Variants in GK5 observed in about 807,000 individuals in gnomAD.
GK5 encodes the protein ATP:glycerol 3-phosphotransferase 5.
Under a neutral mutation model 77.3 loss-of-function variants are expected in GK5, and 39 were observed. The observed-to-expected ratio is 0.50, with a 90% CI of 0.39 to 0.66. The LOEUF is 0.66. Ranked by LOEUF, GK5 falls within the 30% of genes least tolerant of loss-of-function variation. The pLI, the probability that GK5 is intolerant of heterozygous loss-of-function variation, is 0.00. For missense variants in GK5, 487 were observed against 633.8 expected (o/e 0.77, Z 2.49); for synonymous variants, 211 against 208.0 (o/e 1.01, Z -0.13).
At chr3:142,186,027 T>C (rs2063765142) in intron 8 of GK5, 38 bp from the exon 9 acceptor site, 4 of 1,480,656 alleles carry the variant, frequency 2.7e-6, no homozygotes, top group Non-Finnish European at 3.7e-6. Context: ...GTTACAGCTC[T>C]AGAAATATTA....
At chr3:142,195,118 C>A (rs969749170) in intron 5 of GK5, among the ~76,000 whole-genome samples, 2 of 151,898 alleles carry the variant, frequency 1.3e-5, no homozygotes, top group Admixed American at 6.6e-5. Flanking sequence ...TATCTACTGA[C>A]ATGATCATGT....
intron 6 of GK5, among the ~76,000 whole-genome samples, chr3:142,186,955 G>T (rs1165200723): frequency 6.6e-6 from 1 of 152,012 alleles, no homozygotes; most frequent in Non-Finnish European, 1.5e-5. Flanking sequence ...TCAATGTGAA[G>T]TCTCCAAAAG....
rs1212287003 is a variant in GK5, at chr3:142,162,772, T to G, written c.*2850A>C. On this transcript the variant is annotated 3_prime_UTR_variant, in exon 16 of 16. Coordinates refer to ENST00000392993, the MANE Select transcript of GK5 (RefSeq NM_001039547.3). Reference sequence around the variant, plus strand: ...TAGCACTTTGGGAGGCCGAGGTGGGTGGGTCACAAGGTCAGGAGTTTGAGA... The same window carrying G: ...TAGCACTTTGGGAGGCCGAGGTGGGGGGGTCACAAGGTCAGGAGTTTGAGA... 1 of 151,864 alleles carries G rather than the reference T, an allele frequency of 6.6e-6. No individual in the cohort carries two copies. 9.4% of individuals were successfully genotyped at this position (151,864 alleles called of 1,614,324 possible).
At chr3:142,203,417 C>T (rs1214298094) in intron 4 of GK5, among the ~76,000 whole-genome samples, 3 of 152,232 alleles carry the variant, frequency 2.0e-5, no homozygotes, top group African/African-American at 4.8e-5. Context: ...GTCCCCTGGG[C>T]GCCATCTGAT....
Position 142,198,919 on chromosome 3 carries a change from A to G in GK5, c.426T>C (p.Ser142=). 6.2e-7 allele frequency: 1 copy of G among 1,609,638 alleles called. No homozygotes were observed. Among genetic ancestry groups the G allele is most frequent in the Non-Finnish European group, 8.5e-7 (1 of 1,177,988 alleles). The stretch of plus-strand genomic sequence containing the variant: ...TAGTGAAAAAGTGAAGCACTCGGCA[A>G]GAACTGTGAAATATCTATATTTTAA... The part of the protein sequence containing the change: ...NSLLMKIFHS[S]CRVLHFFTRS... The change falls in exon 5 of 16, where the codon TCT becomes TCC. Residue 142 remains serine (S), a synonymous_variant. Coordinates refer to ENST00000392993, the MANE Select transcript of GK5 (RefSeq NM_001039547.3).
At chr3:142,186,593 T>G in intron 6 of GK5, 80 bp from the exon 7 acceptor site, 1 of 564,834 alleles carries the variant, frequency 1.8e-6, no homozygotes, top group Non-Finnish European at 3.0e-6. Context: ...ATATAGACCT[T>G]TGTCTACCCT....
intron 1 of GK5, among the ~76,000 whole-genome samples, chr3:142,221,440 T>C (rs2064345860): frequency 6.6e-6 from 1 of 152,160 alleles, no homozygotes. Context: ...TCACATACCA[T>C]CCCCAAACAA....
At position 142,165,723 on chromosome 3, in the gene GK5, CTTCACTTTGTCTCAGT is replaced by C. The variant is rs2063467001; in HGVS notation, c.1473_1488del (p.Leu492TrpfsTer14). 1 of 1,612,790 alleles carries C rather than the reference CTTCACTTTGTCTCAGT, an allele frequency of 6.2e-7. No homozygotes were observed. The highest frequency in any genetic ancestry group is 1.3e-5 in the African/African-American group (1 of 74,884). Reference sequence around the variant, plus strand: ...CATTTCTTCTGTGGCTTGAAAACCACTTCACTTTGTCTCAGTTTCTTTAGTTCCTCCTTGTCAGTCC... The same window carrying C: ...CATTTCTTCTGTGGCTTGAAAACCACTTCTTTAGTTCCTCCTTGTCAGTCC... On this transcript the variant is annotated frameshift_variant, in exon 16 of 16. Coordinates refer to ENST00000392993, the MANE Select transcript of GK5 (RefSeq NM_001039547.3). LOFTEE classifies it high-confidence loss of function.
At chr3:142,166,449 T>C (rs1308951705) in intron 15 of GK5, among the ~76,000 whole-genome samples, 1 of 152,250 alleles carries the variant, frequency 6.6e-6, no homozygotes, top group Non-Finnish European at 1.5e-5. Flanking sequence ...ATATAATTTA[T>C]TTAAATTCCA....
chr3:142,217,167 T>C (rs1560238786), intron 1 of GK5, among the ~76,000 whole-genome samples: 1 of 152,200 alleles, frequency 6.6e-6, no homozygotes, highest in African/African-American at 2.4e-5. Flanking sequence ...ATGAAAATAC[T>C]CCAAGAGGAG....
Position 142,171,385 on chromosome 3 carries a change from CTA to C in GK5, c.1307+32_1307+33del, listed in dbSNP as rs1369692649. On this transcript the variant is annotated intron_variant, in intron 14 of 15. Transcript: ENST00000392993. The stretch of plus-strand genomic sequence containing the variant: ...AGCAGCTACCACTTACTTCTAATTT[CTA>C]ATTAAGTCTATTAGAAATAAACTTT... 6 of 1,434,986 alleles carry C rather than the reference CTA, an allele frequency of 4.2e-6. No homozygotes were observed. The South Asian group carries it at 8.4e-5, about 20-fold the overall frequency. The allele number at this position is 1,434,986 out of a possible 1,614,324, so 88.9% of individuals were successfully genotyped here.
intron 1 of GK5, among the ~76,000 whole-genome samples, chr3:142,217,724 A>G (rs1369984178): frequency 6.6e-6 from 1 of 152,208 alleles, no homozygotes; most frequent in East Asian, 1.9e-4. Context: ...CATAATTAAA[A>G]TGCTGAAAAC....
intron 5 of GK5, among the ~76,000 whole-genome samples, chr3:142,193,904 C>T (rs915752776): frequency 1.3e-5 from 2 of 152,000 alleles, no homozygotes; most frequent in African/African-American, 4.8e-5. Context: ...CTATGTCTGG[C>T]TAATTTTTGT....
chr3:142,185,751 C>CA, intron 9 of GK5, 178 bp downstream of exon 9: 1 of 1,552,558 alleles, frequency 6.4e-7, no homozygotes, highest in Non-Finnish European at 8.7e-7. Flanking sequence ...GTCCCCTTCC[C>CA]AAAAATATAG....
In GK5 at chr3:142,160,303, T is replaced by A. The variant is rs2108775108; in HGVS notation, c.*5319A>T. 1 of 152,304 alleles carries A rather than the reference T, an allele frequency of 6.6e-6. No individual in the cohort carries two copies. The highest frequency in any genetic ancestry group is 1.9e-4 in the East Asian group (1 of 5,180). The allele number at this position is 152,304 out of a possible 1,614,324, so 9.4% of individuals were successfully genotyped here. A position where few individuals can be genotyped will look rare whatever the true frequency, so the allele number is the denominator to read the frequency against. On this transcript the variant is annotated 3_prime_UTR_variant, in exon 16 of 16. Coordinates refer to ENST00000392993, the MANE Select transcript of GK5 (RefSeq NM_001039547.3). The stretch of plus-strand genomic sequence containing the variant: ...CCACGCTTATCCTGGGGCTTTTAAT[T>A]CTTACTGAAAATCATAGTCTAAATT...
intron 15 of GK5, among the ~76,000 whole-genome samples, chr3:142,169,497 T>C (rs1000654887): frequency 3.9e-5 from 6 of 152,136 alleles, no homozygotes; most frequent in African/African-American, 1.4e-4. Flanking sequence ...ATGTTTCCTC[T>C]TAGTAGTTTT....
chr3:142,209,031 C>G (rs1018889608), intron 3 of GK5, among the ~76,000 whole-genome samples: 14 of 152,098 alleles, frequency 9.2e-5, no homozygotes, highest in Admixed American at 5.9e-4. Context: ...CACCTGTAGT[C>G]CCAGCTCCTC....
At chr3:142,212,364 T>C (rs1201311359) in intron 3 of GK5, among the ~76,000 whole-genome samples, 1 of 151,748 alleles carries the variant, frequency 6.6e-6, no homozygotes, top group African/African-American at 2.4e-5. Context: ...TGAAACCCCG[T>C]CTCTACAAAA....
intron 3 of GK5, among the ~76,000 whole-genome samples, chr3:142,209,927 A>T (rs73872596): frequency 0.015 from 2,270 of 149,868 alleles, 56 homozygotes; most frequent in African/African-American, 0.054. Context: ...AGAGACATTG[A>T]CTAAAGAAAC....
Sources: gnomAD v4.1 joint callset for allele counts (sites outside exome capture counted in the v4.1 genomes callset) on GRCh38, gnomAD v4.1.1 for gene constraint, MANE v1.5 for transcripts, NCBI Gene and HGNC (gene_info 2026-07-23, HGNC 2026-07-21) for gene names.